Variants in SAXO1 observed in about 807,000 individuals in gnomAD.
SAXO1 encodes stabilizer of axonemal microtubules 1.
SAXO1 carries 21 observed loss-of-function variants against 17.5 expected under a neutral mutation model. The ratio of observed to expected loss-of-function variants is 1.20; its 90% CI spans 0.85 to 1.72. SAXO1 has a LOEUF of 1.72. Among genes scored for constraint, SAXO1 ranks in the 40% most tolerant of loss-of-function variants. The pLI is 0.00. For missense variants in SAXO1, 843 were observed against 596.0 expected (o/e 1.41, Z -4.32); for synonymous variants, 274 against 216.5 (o/e 1.27, Z -2.33).
chr9:18,928,812 T>C lies in SAXO1; in HGVS notation c.665A>G (p.His222Arg). The C allele has an allele frequency of 6.2e-7, 1 of 1,614,190 alleles. No homozygotes were observed. The highest frequency in any genetic ancestry group is 1.1e-5 in the South Asian group (1 of 91,084). Reference sequence around the variant, plus strand: ...ACAGGGCCTGAACTTCTCTGCTTCATGCACAAAGCGCTTCTCCACGGGGTG... The same window carrying C: ...ACAGGGCCTGAACTTCTCTGCTTCACGCACAAAGCGCTTCTCCACGGGGTG... ...VAHPVEKRFV[H>R]EAEKFRPCEI... The change falls in exon 4 of 4, where the codon CAT becomes CGT. Residue 222 changes from histidine (H) to arginine (R), a missense_variant. Transcript: ENST00000380534.
chr9:19,039,695 T>C (rs1836028600), intron 1 of SAXO1, among the ~76,000 whole-genome samples: 1 of 152,206 alleles, frequency 6.6e-6, no homozygotes, highest in Non-Finnish European at 1.5e-5. Context: ...TTGGCTTCAT[T>C]ATGTTTTATG....
chr9:19,048,010 C>A (rs975632691), intron 1 of SAXO1, among the ~76,000 whole-genome samples: 1 of 152,148 alleles, frequency 6.6e-6, no homozygotes, highest in Non-Finnish European at 1.5e-5. Flanking sequence ...TTTCCACATA[C>A]TATATTGTAT....
At chr9:19,030,023 T>TAA (rs1835683917) in intron 1 of SAXO1, among the ~76,000 whole-genome samples, 1 of 152,198 alleles carries the variant, frequency 6.6e-6, no homozygotes, top group Non-Finnish European at 1.5e-5. Context: ...ATCGAGGATA[T>TAA]AAAGCATGCT....
intron 3 of SAXO1, among the ~76,000 whole-genome samples, chr9:18,938,503 A>C (rs1335948679): frequency 1.3e-5 from 2 of 151,922 alleles, no homozygotes; most frequent in Non-Finnish European, 2.9e-5. Context: ...ATCTCAGGGG[A>C]ACTCACTCAT....
chr9:19,015,069 G>T (rs1321763271), intron 1 of SAXO1, among the ~76,000 whole-genome samples: 3 of 152,116 alleles, frequency 2.0e-5, no homozygotes, highest in Non-Finnish European at 4.4e-5. Context: ...GTTAAGTGCT[G>T]GTGTCACGTG....
intron 1 of SAXO1, among the ~76,000 whole-genome samples, chr9:19,010,424 C>T (rs1022851142): frequency 2.0e-5 from 3 of 152,008 alleles, no homozygotes; most frequent in African/African-American, 7.3e-5. Context: ...TTTCTTTACA[C>T]ACCTCTGGTC....
At chr9:19,025,311 T>G (rs762732861) in intron 1 of SAXO1, among the ~76,000 whole-genome samples, 27 of 152,200 alleles carry the variant, frequency 1.8e-4, no homozygotes, top group Non-Finnish European at 2.8e-4. Context: ...CAATTTTATT[T>G]AAATTAAAAA....
chr9:18,979,347 G>A (rs754296547), intron 1 of SAXO1, among the ~76,000 whole-genome samples: 6 of 152,234 alleles, frequency 3.9e-5, no homozygotes, highest in Non-Finnish European at 7.3e-5. Flanking sequence ...GTTTTCATGT[G>A]AGGGTAGAAA....
intron 2 of SAXO1, among the ~76,000 whole-genome samples, chr9:18,950,216 A>G (rs1208956068): frequency 1.3e-5 from 2 of 152,248 alleles, no homozygotes; most frequent in African/African-American, 4.8e-5. Flanking sequence ...GGAGTCAAGA[A>G]TAATTTAAAA....
intron 1 of SAXO1, among the ~76,000 whole-genome samples, chr9:18,993,756 G>T (rs558077575): frequency 6.6e-6 from 1 of 152,220 alleles, no homozygotes; most frequent in South Asian, 2.1e-4. Context: ...TAGGCTGGGG[G>T]GTTCTCATGT....
intron 1 of SAXO1, among the ~76,000 whole-genome samples, chr9:18,965,857 C>T (rs537481942): frequency 3.3e-5 from 5 of 151,992 alleles, no homozygotes; most frequent in African/African-American, 7.2e-5. Context: ...CTTTACATTT[C>T]GTTATGTTTT....
intron 1 of SAXO1, among the ~76,000 whole-genome samples, chr9:18,991,431 C>A (rs1833808591): frequency 6.6e-6 from 1 of 152,106 alleles, no homozygotes; most frequent in South Asian, 2.1e-4. Flanking sequence ...ATGGATGAAG[C>A]TGGAAACCAT....
intron 1 of SAXO1, among the ~76,000 whole-genome samples, chr9:18,990,902 T>C (rs541449559): frequency 5.0e-4 from 76 of 152,318 alleles, no homozygotes; most frequent in Admixed American, 4.3e-3. Flanking sequence ...AGGGCTCCCA[T>C]TGATTCTACA....
chr9:18,945,263 G>T (rs1262830676), intron 2 of SAXO1, among the ~76,000 whole-genome samples: 1 of 152,114 alleles, frequency 6.6e-6, no homozygotes, highest in Non-Finnish European at 1.5e-5. Flanking sequence ...GCATCACCTT[G>T]TTTTCCAGAC....
intron 1 of SAXO1, among the ~76,000 whole-genome samples, chr9:19,008,081 C>T (rs1038352531): frequency 3.3e-5 from 5 of 152,106 alleles, no homozygotes; most frequent in Admixed American, 6.5e-5. Flanking sequence ...CATCCACTCA[C>T]CTCAGCCTCC....
At chr9:18,970,186 G>A (rs762527935) in intron 1 of SAXO1, among the ~76,000 whole-genome samples, 4 of 152,228 alleles carry the variant, frequency 2.6e-5, no homozygotes, top group African/African-American at 9.6e-5. Flanking sequence ...TTGGCTTGAT[G>A]TGTGAACATG....
intron 1 of SAXO1, among the ~76,000 whole-genome samples, chr9:18,976,035 C>T (rs766410377): frequency 6.6e-6 from 1 of 152,154 alleles, no homozygotes; most frequent in African/African-American, 2.4e-5. Flanking sequence ...AAATTATCAT[C>T]GAAAGGTAAT....
intron 1 of SAXO1, among the ~76,000 whole-genome samples, chr9:18,990,669 G>T (rs1833778590): frequency 6.6e-6 from 1 of 152,210 alleles, no homozygotes; most frequent in Non-Finnish European, 1.5e-5. Context: ...GCGAGCAAGT[G>T]AAGCTTCATC....
intron 1 of SAXO1, among the ~76,000 whole-genome samples, chr9:18,977,456 G>A (rs1833196078): frequency 6.6e-6 from 1 of 152,152 alleles, no homozygotes; most frequent in East Asian, 1.9e-4. Context: ...TACATAGGAG[G>A]TGTCTAAGGC....
Sources: allele counts gnomAD v4.1 joint callset (sites outside exome capture counted in the v4.1 genomes callset), GRCh38; gene constraint gnomAD v4.1.1; transcripts MANE v1.5; gene names NCBI Gene and HGNC (gene_info 2026-07-23, HGNC 2026-07-21).